AGBL3: variants seen among roughly 807,000 people sequenced by gnomAD.
The protein encoded by AGBL3 is AGBL carboxypeptidase 3.
AGBL3 carries 68 observed loss-of-function variants against 94.5 expected under a neutral mutation model. That is an observed-to-expected ratio of 0.72 (90% confidence interval 0.59 to 0.88). The LOEUF is 0.88. AGBL3 is among the 40% of genes least tolerant of loss of function. AGBL3 has a pLI of 0.00. For synonymous variants in AGBL3, 354 were observed against 370.7 expected (o/e 0.95, Z 0.52); for missense variants, 934 against 1,103.8 (o/e 0.85, Z 2.18).
chr7:135,093,774 A>G (rs1462106162), intron 15 of AGBL3: 1 of 152,216 alleles, frequency 6.6e-6, no homozygotes, highest in African/African-American at 2.4e-5. Flanking sequence ...TTATATGGAA[A>G]TACAAGGGAC....
At chr7:135,090,353 G>A (rs1367346571) in intron 15 of AGBL3, among the ~76,000 whole-genome samples, 1 of 152,158 alleles carries the variant, frequency 6.6e-6, no homozygotes, top group Non-Finnish European at 1.5e-5. Flanking sequence ...ACTCTAAGGG[G>A]CTAGTTCAAC....
At position 135,080,258 on chromosome 7, in the gene AGBL3, A is replaced by G. The variant is rs753870780; in HGVS notation, c.2036A>G (p.Lys679Arg). ...CACACACAATCAAATTCTGATGTGA[A>G]AGGTAATATTCTGCTTCTACCTTCT... ...QRHTQSNSDV[K>R]DTRPNEPDDY... The change falls in exon 14 of 17, where the codon AAA becomes AGA. Residue 679 changes from lysine (K) to arginine (R), a missense_variant and splice_region_variant. Physicochemically the swap from Lys to Arg is conservative, Grantham distance 26. Coordinates refer to ENST00000436302, the MANE Select transcript of AGBL3 (RefSeq NM_178563.4). 16 of 1,548,478 alleles carry G rather than the reference A, an allele frequency of 1.0e-5. No homozygotes were observed. The South Asian group carries it at 1.8e-4, about 17-fold the overall frequency.
Position 135,063,551 on chromosome 7 carries a change from GA to G in AGBL3, c.1908+4317del, listed in dbSNP as rs201340447. 5.9e-3 allele frequency among the ~76,000 whole-genome samples: 901 copies of G among 151,948 alleles called. 11 individuals are homozygous for G. The highest frequency in any genetic ancestry group is 0.021 in the African/African-American group (867 of 41,464). On this transcript the variant is annotated intron_variant, in intron 12 of 16. Transcript: ENST00000436302. ...TCTTAGAACTGCTTTTGCTGCATCT[GA>G]TAAGTTTTGATATGTTGTATTTCCA...
intron 12 of AGBL3, among the ~76,000 whole-genome samples, chr7:135,074,134 T>C (rs1429678499): frequency 6.6e-6 from 1 of 152,184 alleles, no homozygotes; most frequent in Non-Finnish European, 1.5e-5. Flanking sequence ...ATTAGCTTGA[T>C]TGTGGTAATA....
In AGBL3 at chr7:135,034,354, G is replaced by C; in HGVS notation, c.763G>C (p.Gly255Arg). ...SEKEAKAHHI[G>R]WQRIGDQIKY... ...AAAAGAGGCCAAGGCTCATCACATTGGCTGGCAGAGAATAGGAGACCAAAT... is the reference window on the plus strand; with the variant it reads ...AAAAGAGGCCAAGGCTCATCACATTCGCTGGCAGAGAATAGGAGACCAAAT... Residue 255 changes from glycine (G) to arginine (R), a missense_variant, in exon 7 of 17, where the codon GGC (glycine) becomes CGC (arginine). Physicochemically the swap from Gly to Arg is moderately radical, Grantham distance 125. This residue lies in a region of AGBL3 where 488 missense variants were observed against 563.6 expected (regional missense o/e 0.87). Transcript: ENST00000436302. 6.4e-7 allele frequency: 1 copy of C among 1,551,636 alleles called. No individual in the cohort carries two copies. The highest frequency in any genetic ancestry group is 8.7e-7 in the Non-Finnish European group (1 of 1,146,956).
At chr7:135,081,385 A>T (rs796739082) in intron 14 of AGBL3, among the ~76,000 whole-genome samples, 13 of 152,236 alleles carry the variant, frequency 8.5e-5, no homozygotes, top group African/African-American at 3.1e-4. Flanking sequence ...ATTCCATTCT[A>T]TTAAGCCACC....
intron 4 of AGBL3, 119 bp from the exon 5 acceptor site, chr7:135,016,933 C>T: frequency 1.5e-6 from 1 of 686,120 alleles, no homozygotes; most frequent in Non-Finnish European, 2.5e-6. Context: ...AAATCTTACC[C>T]CACACAAAAC....
rs968457832 is a variant in AGBL3 at position 135,044,034 on chromosome 7, T to C, written c.1510T>C (p.Ser504Pro). Residue 504 changes from serine to proline, a missense_variant, in exon 9 of 17, where the codon TCA (serine) becomes CCA (proline). Physicochemically the swap from Ser to Pro is moderately conservative, Grantham distance 74. Around this residue, in one of 3 missense-constraint regions of AGBL3, gnomAD observed 441 missense variants for 518.2 expected, o/e 0.85. Coordinates refer to ENST00000436302, the MANE Select transcript of AGBL3 (RefSeq NM_178563.4). ...SKNCPDKFSF[S>P]ACKFNVQKSK... ...ATTTGCTGCTTTTCAGTTTTCATTC[T>C]CAGCTTGCAAGTTTAATGTCCAGAA... 1.0e-5 allele frequency: 16 copies of C among 1,548,120 alleles called. No individual in the cohort carries two copies. The African/African-American group carries it at 1.9e-4, about 19-fold the overall frequency.
intron 12 of AGBL3, among the ~76,000 whole-genome samples, chr7:135,066,772 C>T (rs1009616822): frequency 8.5e-5 from 13 of 152,222 alleles, no homozygotes; most frequent in East Asian, 1.9e-4. Flanking sequence ...CCAAGATGGC[C>T]GAACAGGAAC....
At chr7:135,051,480 G>A (rs915577810) in intron 11 of AGBL3, among the ~76,000 whole-genome samples, 6 of 152,072 alleles carry the variant, frequency 3.9e-5, no homozygotes, top group Admixed American at 2.0e-4. Context: ...GGCTCATCTT[G>A]TACATTTCCT....
At chr7:135,048,734 T>C (rs1023502890) in intron 11 of AGBL3, among the ~76,000 whole-genome samples, 1 of 146,984 alleles carries the variant, frequency 6.8e-6, no homozygotes, top group Non-Finnish European at 1.5e-5. Context: ...TCTGAGTTTA[T>C]TGATTAGTTC....
At chr7:135,057,298 C>T (rs1355318294) in intron 11 of AGBL3, among the ~76,000 whole-genome samples, 1 of 151,864 alleles carries the variant, frequency 6.6e-6, no homozygotes, top group Non-Finnish European at 1.5e-5. Context: ...CTATAAAACT[C>T]CTAGGGGATA....
intron 12 of AGBL3, among the ~76,000 whole-genome samples, chr7:135,070,313 C>T (rs1819772016): frequency 6.6e-6 from 1 of 152,190 alleles, no homozygotes; most frequent in East Asian, 1.9e-4. Context: ...GGAGCTGGTA[C>T]CATTCCTTCT....
intron 16 of AGBL3, among the ~76,000 whole-genome samples, chr7:135,116,384 A>G (rs1189138477): frequency 6.6e-6 from 1 of 152,198 alleles, no homozygotes; most frequent in East Asian, 1.9e-4. Context: ...TACTTAATAT[A>G]CAAAGAGTGC....
Position 135,091,731 on chromosome 7 carries a change from A to G in AGBL3, c.2110+9941A>G, listed in dbSNP as rs1365965402. Among the ~76,000 whole-genome samples the G allele has an allele frequency of 2.6e-5, 4 of 152,218 alleles. No individual in the cohort carries two copies. In the East Asian group the frequency reaches 5.8e-4, roughly 22 times the overall value. The stretch of plus-strand genomic sequence containing the variant: ...AGATGATCCTGTTGCCTCAGCAAAT[A>G]TCAGTCTTCTCACCTCCTTGCTTCT... On this transcript the variant is annotated intron_variant, in intron 15 of 16. Transcript: ENST00000436302.
At chr7:135,069,731 G>C (rs1819698252) in intron 12 of AGBL3, among the ~76,000 whole-genome samples, 1 of 152,034 alleles carries the variant, frequency 6.6e-6, no homozygotes. Flanking sequence ...GCAGTGTGTA[G>C]AGGGAAATTT....
chr7:135,019,211 T>G (rs1176198163), intron 5 of AGBL3, among the ~76,000 whole-genome samples: 2 of 152,224 alleles, frequency 1.3e-5, no homozygotes, highest in African/African-American at 4.8e-5. Flanking sequence ...TACCACACTT[T>G]GTCTTTTTAT....
At chr7:135,086,894 A>G (rs138779154) in intron 15 of AGBL3, among the ~76,000 whole-genome samples, 47 of 152,074 alleles carry the variant, frequency 3.1e-4, no homozygotes, top group Admixed American at 9.8e-4. Context: ...CTCATCTTCA[A>G]TTTTCTAAAA....
chr7:134,987,002 C>T (rs1238310580), intron 1 of AGBL3, among the ~76,000 whole-genome samples: 6 of 152,264 alleles, frequency 3.9e-5, no homozygotes, highest in African/African-American at 1.4e-4. Flanking sequence ...TTCGTGCGCC[C>T]TGTGTGCACC....
Sources: gnomAD v4.1 joint callset for allele counts (sites outside exome capture counted in the v4.1 genomes callset) on GRCh38, gnomAD v4.1.1 for gene constraint, gnomAD v4.1.1 regional missense constraint, MANE v1.5 for transcripts, NCBI Gene and HGNC (gene_info 2026-07-23, HGNC 2026-07-21) for gene names.